SOX6: variants seen among roughly 807,000 people sequenced by gnomAD.
SOX6 encodes the protein SRY-box transcription factor 6.
A neutral mutation model predicts 97.8 loss-of-function variants in SOX6; 11 were observed. That is an observed-to-expected ratio of 0.11 (90% CI 0.07 to 0.19). The LOEUF (loss-of-function observed/expected upper bound fraction) is 0.19. Ranked by LOEUF, SOX6 falls within the 10% of genes least tolerant of loss-of-function variation. The probability of loss-of-function intolerance (pLI) is 1.00; values close to 1 mark genes in which losing one functional copy is unlikely to be tolerated. For missense variants in SOX6, 810 were observed against 1,039.5 expected, an observed-to-expected ratio of 0.78 and a Z score of 3.04; for synonymous variants, 360 against 371.4, an observed-to-expected ratio of 0.97 and a Z score of 0.35.
chr11:16,448,140 T>C (rs1230076672), intron 1 of SOX6, among the ~76,000 whole-genome samples: 6 of 152,192 alleles, frequency 3.9e-5, no homozygotes. Context: ...AACCCAGCTA[T>C]GTGCTTAGAG....
intron 4 of SOX6, among the ~76,000 whole-genome samples, chr11:16,575,817 TG>T (rs1202041609): frequency 1.3e-5 from 2 of 152,204 alleles, no homozygotes; most frequent in South Asian, 2.1e-4. Flanking sequence ...AAGTGGCTTC[TG>T]GGAAAATAAC....
At chr11:16,191,891 GGTC>G (rs1384943505) in intron 4 of SOX6, among the ~76,000 whole-genome samples, 5 of 149,508 alleles carry the variant, frequency 3.3e-5, no homozygotes, top group Admixed American at 6.7e-5. Context: ...TGTTCCATGG[GGTC>G]GTCTTTATCC....
chr11:16,380,651 T>A (rs1331285454), intron 1 of SOX6, among the ~76,000 whole-genome samples: 1 of 152,104 alleles, frequency 6.6e-6, no homozygotes, highest in African/African-American at 2.4e-5. Flanking sequence ...CTTATTGGTG[T>A]ATTCTATCCA....
At chr11:16,152,120 G>C (rs16932628) in intron 6 of SOX6, among the ~76,000 whole-genome samples, 1,825 of 152,186 alleles carry the variant, frequency 0.012, 35 homozygotes, top group African/African-American at 0.041. Context: ...ACAAAAACAT[G>C]TTCTTTCACC....
At chr11:16,101,028 CA>C (rs1000696572) in intron 7 of SOX6, among the ~76,000 whole-genome samples, 2 of 151,612 alleles carry the variant, frequency 1.3e-5, no homozygotes, top group Non-Finnish European at 3.0e-5. Context: ...CTAACTAACT[CA>C]AAAATTATTG....
In SOX6 at chr11:16,124,819, A is replaced by C. The variant is rs564157459; in HGVS notation, c.778-12896T>G. On this transcript the variant is annotated intron_variant, in intron 6 of 15. Transcript: ENST00000683767. ...GTTTAGAAAGATCACTCTGGTTGCCATGAGGAAAACTGACTATAATAGGGC... is the reference window on the plus strand; with the variant it reads ...GTTTAGAAAGATCACTCTGGTTGCCCTGAGGAAAACTGACTATAATAGGGC... Among the ~76,000 whole-genome samples, 17 of 152,186 alleles carry C rather than the reference A, an allele frequency of 1.1e-4. 1 individual carries two copies. In the East Asian group the frequency reaches 3.3e-3, roughly 29 times the overall value.
intron 3 of SOX6, among the ~76,000 whole-genome samples, chr11:16,676,094 C>CATTCATTTTATTCATTCATTTT (rs1277955299): frequency 0.029 from 4,434 of 152,150 alleles, 156 homozygotes; most frequent in South Asian, 0.056. Context: ...TGCTCATTTT[C>CATTCATTTTATTCATTCATTTT]ATTCATTCAT....
chr11:16,614,587 T>C (rs1848446704), intron 3 of SOX6, among the ~76,000 whole-genome samples: 1 of 152,224 alleles, frequency 6.6e-6, no homozygotes, highest in African/African-American at 2.4e-5. Context: ...CTCACCGTTC[T>C]TCCTATATTC....
intron 3 of SOX6, among the ~76,000 whole-genome samples, chr11:16,659,027 A>G (rs1201730084): frequency 6.6e-6 from 1 of 152,140 alleles, no homozygotes; most frequent in African/African-American, 2.4e-5. Flanking sequence ...TCTGCAGAAA[A>G]GTTTTTAATC....
At chr11:16,001,413 C>CA (rs1252062722) in intron 13 of SOX6, among the ~76,000 whole-genome samples, 3 of 152,142 alleles carry the variant, frequency 2.0e-5, no homozygotes, top group African/African-American at 7.2e-5. Context: ...AAGCAAGACT[C>CA]AGAGACATGA....
intron 9 of SOX6, among the ~76,000 whole-genome samples, chr11:16,059,891 A>C (rs1164331653): frequency 1.3e-5 from 2 of 151,964 alleles, no homozygotes; most frequent in Non-Finnish European, 2.9e-5. Flanking sequence ...GGCAGTGAAA[A>C]AAAGTTCTAT....
intron 2 of SOX6, among the ~76,000 whole-genome samples, chr11:16,735,805 T>C (rs1848386807): frequency 6.6e-6 from 1 of 152,176 alleles, no homozygotes. Context: ...AAATGGTAAC[T>C]GTAATTAAGG....
At chr11:16,282,554 T>A (rs1242429595) in intron 3 of SOX6, among the ~76,000 whole-genome samples, 3 of 151,638 alleles carry the variant, frequency 2.0e-5, no homozygotes, top group African/African-American at 4.8e-5. Flanking sequence ...CTAACTTTTT[T>A]AAATTTTTAA....
chr11:16,381,869 A>G (rs889001079), intron 1 of SOX6, among the ~76,000 whole-genome samples: 2 of 151,940 alleles, frequency 1.3e-5, no homozygotes, highest in South Asian at 4.1e-4. Flanking sequence ...ATAAATGTTT[A>G]GACATAAAAA....
At chr11:16,654,410 A>G (rs1488773182) in intron 3 of SOX6, among the ~76,000 whole-genome samples, 2 of 152,094 alleles carry the variant, frequency 1.3e-5, no homozygotes, top group East Asian at 1.9e-4. Context: ...GGGCTCAACC[A>G]ATACTTCTCC....
At position 16,019,869 on chromosome 11, in the gene SOX6, T is replaced by C. The variant is rs530255498; in HGVS notation, c.1624-4819A>G. On this transcript the variant is annotated intron_variant, in intron 12 of 15. Coordinates refer to ENST00000683767, the MANE Select transcript of SOX6 (RefSeq NM_001367873.1). The stretch of plus-strand genomic sequence containing the variant: ...AGAAAAATAACAAATATATGTATTA[T>C]AAATAAAAGTTCTCTAAGGCCATGA... Among the ~76,000 whole-genome samples the C allele has an allele frequency of 2.6e-5, 4 of 152,272 alleles. No homozygotes were observed. In the East Asian group the frequency reaches 5.8e-4, roughly 22 times the overall value.
intron 9 of SOX6, among the ~76,000 whole-genome samples, chr11:16,095,492 G>A (rs551579712): frequency 4.6e-5 from 7 of 151,898 alleles, no homozygotes; most frequent in Admixed American, 2.0e-4. Flanking sequence ...AACTGAGTAC[G>A]TAGAATTAGA....
chr11:16,197,491 C>T (rs1416178514), intron 4 of SOX6, among the ~76,000 whole-genome samples: 1 of 152,156 alleles, frequency 6.6e-6, no homozygotes, highest in Non-Finnish European at 1.5e-5. Flanking sequence ...CTATCACAAA[C>T]TCATATTGTG....
At chr11:16,277,555 AAAG>A (rs1478457163) in intron 3 of SOX6, among the ~76,000 whole-genome samples, 3 of 152,240 alleles carry the variant, frequency 2.0e-5, no homozygotes, top group Admixed American at 2.0e-4. Flanking sequence ...GATAGAATAA[AAAG>A]AAAAAATTGG....
Sources: allele counts gnomAD v4.1 joint callset (sites outside exome capture counted in the v4.1 genomes callset), GRCh38; gene constraint gnomAD v4.1.1; transcripts MANE v1.5; gene names NCBI Gene and HGNC (gene_info 2026-07-23, HGNC 2026-07-21).